Variants in DHX32 observed in about 807,000 individuals in gnomAD.
DHX32 encodes the protein putative pre-mRNA-splicing factor ATP-dependent RNA helicase DHX32.
A neutral mutation model predicts 70.0 loss-of-function variants in DHX32; 51 were observed. The observed-to-expected ratio is 0.73, with a 90% CI of 0.58 to 0.92. The LOEUF is 0.92. Ranked by LOEUF, DHX32 falls within the 40% of genes least tolerant of loss-of-function variation. The pLI, the probability that DHX32 is intolerant of heterozygous loss-of-function variation, is 0.00. For synonymous variants in DHX32, 310 were observed against 315.3 expected (o/e 0.98, Z 0.18); for missense variants, 762 against 891.8 (o/e 0.85, Z 1.85).
At chr10:125,842,707 G>A in intron 6 of DHX32, 1 of 471,388 alleles carries the variant, frequency 2.1e-6, no homozygotes, top group Non-Finnish European at 2.8e-6. Context: ...GCATAATACA[G>A]AGAAAAATTA....
In DHX32 at chr10:125,852,653, A is replaced by T; in HGVS notation, c.1093-11T>A. 6.3e-7 allele frequency: 1 copy of T among 1,595,108 alleles called. No individual in the cohort carries two copies. The highest frequency in any genetic ancestry group is 8.5e-7 in the Non-Finnish European group (1 of 1,172,848). On this transcript the variant is annotated splice_polypyrimidine_tract_variant and intron_variant, in intron 4 of 10. Coordinates refer to ENST00000284690, the MANE Select transcript of DHX32 (RefSeq NM_018180.3). Reference sequence around the variant, plus strand: ...TCTCGGGTTGTACACCTTTAAATGGAAAGACAGCATCATTAGCGTCAGATA... The same window carrying T: ...TCTCGGGTTGTACACCTTTAAATGGTAAGACAGCATCATTAGCGTCAGATA...
At chr10:125,844,693 A>G (rs1943990154) in intron 6 of DHX32, among the ~76,000 whole-genome samples, 1 of 152,236 alleles carries the variant, frequency 6.6e-6, no homozygotes, top group Non-Finnish European at 1.5e-5. Flanking sequence ...TCTTTAGGGC[A>G]GTGCTGCTTA....
intron 1 of DHX32, 109 bp from the exon 2 acceptor site, chr10:125,867,292 A>T: frequency 1.1e-6 from 1 of 893,852 alleles, no homozygotes; most frequent in East Asian, 2.7e-5. Flanking sequence ...TTCATCAGTA[A>T]ATCAGCAGTG....
In DHX32 at chr10:125,838,329, G is replaced by A; in HGVS notation, c.1940C>T (p.Ala647Val). The change falls in exon 10 of 11, where the codon GCT (alanine) becomes GTT (valine). Residue 647 changes from alanine to valine, a missense_variant. Coordinates refer to ENST00000284690, the MANE Select transcript of DHX32 (RefSeq NM_018180.3). ...GTAACCAGACAGGGGATGCAGCTGAGCAACCTGCTTATGTGTCAGCATTAA... is the reference window on the plus strand; with the variant it reads ...GTAACCAGACAGGGGATGCAGCTGAACAACCTGCTTATGTGTCAGCATTAA... ...NYLMLTHKQVAQLHPLSGYSI... is the reference protein window; with the variant it reads ...NYLMLTHKQVVQLHPLSGYSI... The A allele has an allele frequency of 1.2e-6, 2 of 1,613,656 alleles. No individual in the cohort carries two copies. Among genetic ancestry groups the A allele is most frequent in the Non-Finnish European group, 1.7e-6 (2 of 1,179,924 alleles).
At chr10:125,842,925 T>G (rs1489678304) in intron 6 of DHX32, 1 of 373,918 alleles carries the variant, frequency 2.7e-6, no homozygotes, top group Non-Finnish European at 3.7e-6. Flanking sequence ...AAATATATTC[T>G]CTTTGTGGAA....
intron 6 of DHX32, 132 bp from the exon 7 acceptor site, chr10:125,842,066 A>G: frequency 8.5e-7 from 1 of 1,173,658 alleles, no homozygotes; most frequent in Non-Finnish European, 1.1e-6. Flanking sequence ...TTTGCAAGCC[A>G]CCAAATACCA....
chr10:125,867,042 C>T lies in DHX32; in HGVS notation c.424G>A (p.Val142Ile). 6.2e-7 allele frequency: 1 copy of T among 1,614,184 alleles called. No individual in the cohort carries two copies. The highest frequency in any genetic ancestry group is 1.6e-4 in the Middle Eastern group (1 of 6,062). ...DEMDVNIGHE[V>I]GYVIPFENCC... The stretch of plus-strand genomic sequence containing the variant: ...TTCTCGAAAGGGATCACGTAGCCAA[C>T]CTCATGACCAATGTTAACATCCATT... Residue 142 changes from valine to isoleucine, a missense_variant, in exon 2 of 11, where the codon GTT (valine) becomes ATT (isoleucine). Coordinates refer to ENST00000284690, the MANE Select transcript of DHX32 (RefSeq NM_018180.3).
chr10:125,837,264 A>G (rs1295254973), intron 10 of DHX32, among the ~76,000 whole-genome samples: 1 of 152,224 alleles, frequency 6.6e-6, no homozygotes, highest in Non-Finnish European at 1.5e-5. Flanking sequence ...CGTAAGCCAG[A>G]CATCTATGAG....
chr10:125,845,504 A>C (rs1944006294), intron 6 of DHX32, among the ~76,000 whole-genome samples: 1 of 152,228 alleles, frequency 6.6e-6, no homozygotes, highest in Non-Finnish European at 1.5e-5. Flanking sequence ...TCTCTTGTCT[A>C]AAGTGGACAT....
intron 3 of DHX32, among the ~76,000 whole-genome samples, chr10:125,858,001 G>A (rs1235790894): frequency 6.6e-6 from 1 of 150,628 alleles, no homozygotes; most frequent in Non-Finnish European, 1.5e-5. Flanking sequence ...CTTAGTTCAA[G>A]CAATCCTCCC....
At chr10:125,844,175 A>G (rs908507001) in intron 6 of DHX32, among the ~76,000 whole-genome samples, 2 of 152,240 alleles carry the variant, frequency 1.3e-5, no homozygotes, top group African/African-American at 4.8e-5. Flanking sequence ...GAGGCATGAC[A>G]TGAAAAGTAA....
intron 6 of DHX32, among the ~76,000 whole-genome samples, chr10:125,843,116 G>C (rs1399018185): frequency 6.6e-6 from 1 of 152,002 alleles, no homozygotes; most frequent in East Asian, 1.9e-4. Context: ...TCCCATAATA[G>C]AAAGCTGCTG....
chr10:125,839,025 A>G lies in DHX32; in HGVS notation c.1857T>C (p.Ala619=). The part of the protein sequence containing the change: ...SKENTLNIKK[A]LLSGYFMQIA... ...CCTGCATAAAGTAACCGGACAGAAG[A>G]GCTTTCTTTATGTTTAGAGTGTTTT... Residue 619 remains alanine, a synonymous_variant, in exon 9 of 11, where the codon GCT becomes GCC. Coordinates refer to ENST00000284690, the MANE Select transcript of DHX32 (RefSeq NM_018180.3). 1 of 1,614,038 alleles carries G rather than the reference A, an allele frequency of 6.2e-7. No homozygotes were observed. The highest frequency in any genetic ancestry group is 8.5e-7 in the Non-Finnish European group (1 of 1,179,954).
At chr10:125,845,069 A>G (rs576649786) in intron 6 of DHX32, among the ~76,000 whole-genome samples, 11 of 152,316 alleles carry the variant, frequency 7.2e-5, no homozygotes, top group African/African-American at 2.4e-4. Context: ...AGGTCATTAA[A>G]CTGCAACCAG....
chr10:125,864,929 C>CAAAAAAAAAA lies in DHX32; in HGVS notation c.476+2051_476+2060dup. 9.5e-3 allele frequency among the ~76,000 whole-genome samples: 515 copies of CAAAAAAAAAA among 54,220 alleles called. 47 individuals carry two copies. The highest frequency in any genetic ancestry group is 0.012 in the Non-Finnish European group (377 of 32,382). 35.6% of individuals were successfully genotyped at this position (54,220 alleles called of 152,430 possible). On this transcript the variant is annotated intron_variant, in intron 2 of 10. Coordinates refer to ENST00000284690, the MANE Select transcript of DHX32 (RefSeq NM_018180.3). ...TGGGAGACAGAGTGGGACTCTGTCT[C>CAAAAAAAAAA]AAAAAAAAAAAAAAAAAAAAAAAAA...
At chr10:125,842,111 C>G (rs1564823103) in intron 6 of DHX32, 177 bp from the exon 7 acceptor site, 2 of 817,450 alleles carry the variant, frequency 2.4e-6, no homozygotes, top group Middle Eastern at 3.7e-4. Context: ...AGAGGGCAAA[C>G]TCAGGAGGGG....
chr10:125,839,511 A>G (rs1455039964), intron 8 of DHX32, among the ~76,000 whole-genome samples: 1 of 152,230 alleles, frequency 6.6e-6, no homozygotes, highest in African/African-American at 2.4e-5. Context: ...TAAAGGCCAG[A>G]GAGGATTTTG....
At chr10:125,891,749 A>G in intron 1 of DHX32, among the ~76,000 whole-genome samples, 1 of 152,312 alleles carries the variant, frequency 6.6e-6, no homozygotes, top group Non-Finnish European at 1.5e-5. Context: ...ATGCCAATGC[A>G]TGAACTCCTC....
chr10:125,839,337 A>G (rs760311984), intron 8 of DHX32, 149 bp from the exon 9 acceptor site: 1 of 773,104 alleles, frequency 1.3e-6, no homozygotes, highest in Non-Finnish European at 2.0e-6. Context: ...CAGCAAGGAC[A>G]AGGATTTCTG....
Sources: allele counts gnomAD v4.1 joint callset (sites outside exome capture counted in the v4.1 genomes callset), GRCh38; gene constraint gnomAD v4.1.1; transcripts MANE v1.5; gene names NCBI Gene and HGNC (gene_info 2026-07-23, HGNC 2026-07-21).